MARCHF4: variants seen among roughly 807,000 people sequenced by gnomAD.
The protein encoded by MARCHF4 is membrane associated ring-CH-type finger 4.
Under a neutral mutation model 43.9 loss-of-function variants are expected in MARCHF4, and 14 were observed. The ratio of observed to expected loss-of-function variants is 0.32; its 90% confidence interval spans 0.21 to 0.50. The LOEUF is 0.50. Ranked by LOEUF, MARCHF4 falls within the 20% of genes least tolerant of loss-of-function variation. The pLI, the probability that MARCHF4 is intolerant of heterozygous loss-of-function variation, is 0.98. For missense variants in MARCHF4, 468 were observed against 536.7 expected (o/e 0.87, Z 1.27); for synonymous variants, 226 against 213.3 (o/e 1.06, Z -0.52).
intron 1 of MARCHF4, among the ~76,000 whole-genome samples, chr2:216,327,025 G>C (rs558207197): frequency 1.7e-4 from 26 of 152,244 alleles, no homozygotes; most frequent in Non-Finnish European, 2.4e-4. Flanking sequence ...AAGTTACTGT[G>C]AGGATAAAAT....
At position 216,370,934 on chromosome 2, in the gene MARCHF4, A is replaced by G. The variant is rs1416078207; in HGVS notation, c.-674T>C. The G allele has an allele frequency of 1.3e-5, 2 of 151,844 alleles. No homozygotes were observed. The highest frequency in any genetic ancestry group is 4.8e-5 in the African/African-American group (2 of 41,292). The allele number at this position is 151,844 out of a possible 1,614,324, so 9.4% of individuals were successfully genotyped here. A position where few individuals can be genotyped will look rare whatever the true frequency, so the allele number is the denominator to read the frequency against. On this transcript the variant is annotated 5_prime_UTR_variant, in exon 1 of 4. Coordinates refer to ENST00000273067, the MANE Select transcript of MARCHF4 (RefSeq NM_020814.3). ...AAAACTGGGGCAATTAACCCCCAGA[A>G]GCACCAGAGTTGCTTTTAAGAGAGC...
chr2:216,277,110 C>T (rs1691037779), intron 3 of MARCHF4, among the ~76,000 whole-genome samples: 1 of 152,150 alleles, frequency 6.6e-6, no homozygotes, highest in Non-Finnish European at 1.5e-5. Flanking sequence ...ATTCCTTTTC[C>T]ATTCCCTGGT....
chr2:216,274,770 A>G (rs139506564), intron 3 of MARCHF4, among the ~76,000 whole-genome samples: 13 of 152,322 alleles, frequency 8.5e-5, no homozygotes, highest in African/African-American at 3.1e-4. Flanking sequence ...CTGCTGTGGG[A>G]GTCAGCCTAA....
rs765992253 is a variant in MARCHF4 at position 216,369,796 on chromosome 2, G to A, written c.465C>T (p.Asp155=). 6.2e-7 allele frequency: 1 copy of A among 1,612,914 alleles called. No homozygotes were observed. ...EDRYSLGSSL[D]SGMRTPLCRI... Reference sequence around the variant, plus strand: ...GGCAGAGTGGGGTCCTCATACCACTGTCCAAGCTGCTGCCCAGTGAGTAGC... The same window carrying A: ...GGCAGAGTGGGGTCCTCATACCACTATCCAAGCTGCTGCCCAGTGAGTAGC... The change falls in exon 1 of 4, where the codon GAC becomes GAT. Residue 155 remains aspartate, a synonymous_variant. Coordinates refer to ENST00000273067, the MANE Select transcript of MARCHF4 (RefSeq NM_020814.3).
intron 1 of MARCHF4, among the ~76,000 whole-genome samples, chr2:216,336,769 C>CAAAAAAAAAAAAAAAAAAAAA (rs1453857917): frequency 7.2e-4 from 48 of 66,858 alleles, no homozygotes; most frequent in Non-Finnish European, 1.2e-3. Flanking sequence ...AAAAAAAAAG[C>CAAAAAAAAAAAAAAAAAAAAA]TTTCTGGAAA....
chr2:216,314,328 T>A (rs1691737617), intron 1 of MARCHF4, among the ~76,000 whole-genome samples: 2 of 100,884 alleles, frequency 2.0e-5, no homozygotes, highest in South Asian at 6.7e-4. Context: ...TGTAACTACT[T>A]TTTTTTTTTT....
rs1373485200 is a variant in MARCHF4 at position 216,258,452 on chromosome 2, A to G, written c.*860T>C. The G allele has an allele frequency of 8.5e-5, 13 of 152,896 alleles. No individual in the cohort carries two copies. Among genetic ancestry groups the G allele is most frequent in the African/African-American group, 2.7e-4 (11 of 41,394 alleles). The allele number at this position is 152,896 out of a possible 1,614,324, so 9.5% of individuals were successfully genotyped here. A position where few individuals can be genotyped will look rare whatever the true frequency, so the allele number is the denominator to read the frequency against. ...ATTGACAGCTTCCAAAGCTGAAGCC[A>G]CAGCAGCAGAACTGTGCTTGAAATA... On this transcript the variant is annotated 3_prime_UTR_variant, in exon 4 of 4. Coordinates refer to ENST00000273067, the MANE Select transcript of MARCHF4 (RefSeq NM_020814.3).
intron 3 of MARCHF4, among the ~76,000 whole-genome samples, chr2:216,260,591 A>G (rs721774): frequency 0.22 from 33,949 of 152,166 alleles, 4,605 homozygotes; most frequent in Middle Eastern, 0.32. Flanking sequence ...GAATGGAATG[A>G]ACAAGGTCAG....
chr2:216,361,580 C>G (rs992641225), intron 1 of MARCHF4, among the ~76,000 whole-genome samples: 1 of 152,000 alleles, frequency 6.6e-6, no homozygotes, highest in Admixed American at 6.6e-5. Context: ...CTGTCAGGGA[C>G]CTGGTGATGA....
chr2:216,259,240 G>C lies in MARCHF4; in HGVS notation c.*72C>G. On this transcript the variant is annotated 3_prime_UTR_variant, in exon 4 of 4. Transcript: ENST00000273067. ...CCTGCTCCCTCTGTTGGCTCTGGGG[G>C]TGCCACTGCACCTCCCCACCCTGCT... 2 of 1,491,670 alleles carry C rather than the reference G, an allele frequency of 1.3e-6. No homozygotes were observed. Among genetic ancestry groups the C allele is most frequent in the South Asian group, 2.9e-5 (2 of 69,172 alleles). The allele number at this position is 1,491,670 out of a possible 1,614,324, so 92.4% of individuals were successfully genotyped here.
chr2:216,370,270 G>A lies in MARCHF4; in HGVS notation c.-10C>T, dbSNP rs1184117571. ...ACAGGGGCATCAGCATGTGCCCCGT[G>A]GAAGTAGAGAGCCCAAGAGGGGTGG... On this transcript the variant is annotated 5_prime_UTR_variant, in exon 1 of 4. Coordinates refer to ENST00000273067, the MANE Select transcript of MARCHF4 (RefSeq NM_020814.3). 6.3e-7 allele frequency: 1 copy of A among 1,588,960 alleles called. No homozygotes were observed. Among genetic ancestry groups the A allele is most frequent in the Admixed American group, 1.7e-5 (1 of 57,742 alleles).
In MARCHF4 at chr2:216,258,061, C is replaced by T. The variant is rs1690681156; in HGVS notation, c.*1251G>A. On this transcript the variant is annotated 3_prime_UTR_variant, in exon 4 of 4. Transcript: ENST00000273067. ...CCAGTGGCCTTCCCTGGCAGGGTCC[C>T]CAGAGCGAGCAGGAGGGGTCCAGGG... 6.6e-6 allele frequency: 1 copy of T among 152,200 alleles called. No individual in the cohort carries two copies. Among genetic ancestry groups the T allele is most frequent in the Admixed American group, 6.5e-5 (1 of 15,286 alleles). 9.4% of individuals were successfully genotyped at this position (152,200 alleles called of 1,614,324 possible). A position where few individuals can be genotyped will look rare whatever the true frequency, so the allele number is the denominator to read the frequency against.
Position 216,263,969 on chromosome 2 carries a change from G to A in MARCHF4, c.866-4290C>T, listed in dbSNP as rs564683325. 1.4e-3 allele frequency among the ~76,000 whole-genome samples: 209 copies of A among 151,940 alleles called. 2 individuals are homozygous for A. Among genetic ancestry groups the A allele is most frequent in the Non-Finnish European group, 2.4e-3 (160 of 67,968 alleles). ...GTGATGGTGGGTGAGATGATCACAC[G>A]GTGGGCTTCATCCCACAGCTACTGA... On this transcript the variant is annotated intron_variant, in intron 3 of 3. Transcript: ENST00000273067.
intron 1 of MARCHF4, among the ~76,000 whole-genome samples, chr2:216,333,979 G>T (rs1270901333): frequency 1.6e-4 from 24 of 149,400 alleles, no homozygotes; most frequent in African/African-American, 5.2e-4. Context: ...TTTTTTTTAA[G>T]AATGATACCT....
chr2:216,314,760 T>C (rs770534939), intron 1 of MARCHF4, among the ~76,000 whole-genome samples: 5 of 152,098 alleles, frequency 3.3e-5, no homozygotes, highest in Admixed American at 6.6e-5. Context: ...TAATTTGAGA[T>C]TTGAGGAATA....
chr2:216,355,137 C>A (rs1172408390), intron 1 of MARCHF4, among the ~76,000 whole-genome samples: 2 of 151,722 alleles, frequency 1.3e-5, no homozygotes, highest in African/African-American at 2.4e-5. Flanking sequence ...ACACCTGGCT[C>A]ATTTTTGTAT....
chr2:216,300,590 C>T (rs969519545), intron 1 of MARCHF4, among the ~76,000 whole-genome samples: 2 of 152,036 alleles, frequency 1.3e-5, no homozygotes, highest in Admixed American at 6.6e-5. Context: ...AAGCAATCCA[C>T]CCACCTTGAC....
At chr2:216,326,728 G>T (rs1490428591) in intron 1 of MARCHF4, among the ~76,000 whole-genome samples, 1 of 150,760 alleles carries the variant, frequency 6.6e-6, no homozygotes, top group Non-Finnish European at 1.5e-5. Flanking sequence ...ACCAAACACC[G>T]CATATTCTCA....
At chr2:216,288,123 C>T (rs934666428) in intron 1 of MARCHF4, among the ~76,000 whole-genome samples, 9 of 152,178 alleles carry the variant, frequency 5.9e-5, no homozygotes, top group Non-Finnish European at 1.0e-4. Flanking sequence ...CCACCATGCC[C>T]AGCAACATGT....
Sources: allele counts gnomAD v4.1 joint callset (sites outside exome capture counted in the v4.1 genomes callset), GRCh38; gene constraint gnomAD v4.1.1; transcripts MANE v1.5; gene names NCBI Gene and HGNC (gene_info 2026-07-23, HGNC 2026-07-21).